The following TEX11 variants were observed in gnomAD, a reference collection of about 807,000 sequenced individuals.
TEX11 encodes the protein testis expressed 11.
Under a neutral mutation model 84.4 loss-of-function variants are expected in TEX11, and 7 were observed. That is an observed-to-expected ratio of 0.08 (90% CI 0.05 to 0.16). The LOEUF is 0.16. Among genes scored for constraint, TEX11 ranks in the 10% least tolerant of loss-of-function variants. The pLI, the probability that TEX11 is intolerant of heterozygous loss-of-function variation, is 1.00. For synonymous variants in TEX11, 264 were observed against 222.8 expected (o/e 1.18, Z -1.64); for missense variants, 551 against 660.5 (o/e 0.83, Z 1.82).
At chrX:70,890,922 C>T (rs1324126840) in intron 2 of TEX11, among the ~76,000 whole-genome samples, 4 of 112,413 alleles carry the variant, frequency 3.6e-5, no homozygotes, top group African/African-American at 1.3e-4. Flanking sequence ...CCCTGACCCC[C>T]GTGTAGCCTA....
At chrX:70,839,162 G>A (rs778707916) in intron 7 of TEX11, among the ~76,000 whole-genome samples, 2 of 112,113 alleles carry the variant, frequency 1.8e-5, no homozygotes, top group Admixed American at 9.5e-5. Flanking sequence ...CCAGCACGCA[G>A]CTTGAGATCT....
chrX:70,796,885 A>G (rs1258356535), intron 9 of TEX11, among the ~76,000 whole-genome samples: 1 of 112,376 alleles, frequency 8.9e-6, no homozygotes, highest in Non-Finnish European at 1.9e-5. Flanking sequence ...TAGTCATCAG[A>G]GAAATGCAAA....
At chrX:70,859,600 A>AAG (rs112266247) in intron 5 of TEX11, among the ~76,000 whole-genome samples, 11,538 of 95,309 alleles carry the variant, frequency 0.12, 772 homozygotes, top group Middle Eastern at 0.2. Flanking sequence ...AAAAAAAAAA[A>AAG]AGAGAGAACA....
At chrX:70,610,438 C>A (rs1312739710) in intron 21 of TEX11, 65 bp downstream of exon 21, 11 of 1,033,907 alleles carry the variant, frequency 1.1e-5, no homozygotes, top group Non-Finnish European at 1.5e-5. Context: ...GCTTAGTGTA[C>A]TTGGAGAATT....
intron 15 of TEX11, among the ~76,000 whole-genome samples, chrX:70,675,214 T>G (rs1241271453): frequency 1.8e-5 from 2 of 112,298 alleles, no homozygotes; most frequent in East Asian, 2.8e-4. Flanking sequence ...TATCAATTAC[T>G]CATATAATTA....
At chrX:70,660,555 G>A (rs192488472) in intron 16 of TEX11, among the ~76,000 whole-genome samples, 14 of 111,118 alleles carry the variant, frequency 1.3e-4, no homozygotes, top group East Asian at 2.8e-4. Flanking sequence ...ACACAGGCTC[G>A]GGATCATCAG....
intron 13 of TEX11, among the ~76,000 whole-genome samples, chrX:70,714,167 T>A (rs1231386520): frequency 2.7e-5 from 3 of 111,644 alleles, no homozygotes; most frequent in East Asian, 2.8e-4. Context: ...CAGTTTGTTA[T>A]AATTTCTGTT....
In TEX11 at chrX:70,897,047, G is replaced by T. The variant is rs188964127; in HGVS notation, c.37+10706C>A. On this transcript the variant is annotated intron_variant, in intron 2 of 29. Coordinates refer to ENST00000374333, the MANE Select transcript of TEX11 (RefSeq NM_031276.3). ...CTCAGGAGGCTGAGGCAAGAGGATC[G>T]CTTGAACCCAAGAAGCAGAGGTTGT... Among the ~76,000 whole-genome samples the T allele has an allele frequency of 2.3e-4, 23 of 101,650 alleles. No homozygotes were observed. In the Admixed American group the frequency reaches 2.6e-3, roughly 11 times the overall value. 88.3% of individuals were successfully genotyped at this position (101,650 alleles called of 115,157 possible). A position where few individuals can be genotyped will look rare whatever the true frequency, so the allele number is the denominator to read the frequency against.
intron 2 of TEX11, among the ~76,000 whole-genome samples, chrX:70,894,943 G>C (rs187881302): frequency 9.0e-6 from 1 of 111,677 alleles, no homozygotes; most frequent in African/African-American, 3.2e-5. Context: ...ATGGGTAAAA[G>C]CTGGAAGCAT....
intron 9 of TEX11, among the ~76,000 whole-genome samples, chrX:70,759,759 G>C (rs1270961645): frequency 9.0e-6 from 1 of 111,448 alleles, no homozygotes; most frequent in African/African-American, 3.3e-5. Flanking sequence ...GGAAGTTCTG[G>C]CCAGGACAAT....
intron 25 of TEX11, among the ~76,000 whole-genome samples, chrX:70,567,789 T>C (rs1275368329): frequency 8.9e-6 from 1 of 111,846 alleles, no homozygotes; most frequent in Non-Finnish European, 1.9e-5. Flanking sequence ...ATAATGTTTG[T>C]TCTTTTACAT....
intron 11 of TEX11, among the ~76,000 whole-genome samples, chrX:70,738,250 A>G (rs928905864): frequency 4.5e-5 from 5 of 112,109 alleles, no homozygotes; most frequent in African/African-American, 1.6e-4. Context: ...AAACAAATTT[A>G]TAAGAAAAAA....
chrX:70,734,082 C>G (rs748088909), intron 11 of TEX11, among the ~76,000 whole-genome samples: 3 of 110,507 alleles, frequency 2.7e-5, no homozygotes, highest in Non-Finnish European at 3.8e-5. Context: ...CATGTTCTCA[C>G]TCATAGGTGG....
At chrX:70,647,375 T>A (rs1169898299) in intron 17 of TEX11, among the ~76,000 whole-genome samples, 2 of 111,150 alleles carry the variant, frequency 1.8e-5, no homozygotes, top group Non-Finnish European at 3.8e-5. Flanking sequence ...TTCTTAAAAA[T>A]CACTGAGAGT....
intron 9 of TEX11, among the ~76,000 whole-genome samples, chrX:70,754,900 C>T (rs144705757): frequency 8.9e-6 from 1 of 112,327 alleles, no homozygotes; most frequent in African/African-American, 3.2e-5. Flanking sequence ...TATATGTCTA[C>T]AAGAACCAGA....
chrX:70,566,164 C>T (rs1270955857), intron 25 of TEX11, among the ~76,000 whole-genome samples: 1 of 104,048 alleles, frequency 9.6e-6, no homozygotes, highest in East Asian at 3.0e-4. Context: ...CTCTTTGAAG[C>T]AATTGTGAAT....
chrX:70,640,867 G>A (rs1389200731), intron 17 of TEX11, among the ~76,000 whole-genome samples: 3 of 108,088 alleles, frequency 2.8e-5, no homozygotes, highest in Non-Finnish European at 3.8e-5. Flanking sequence ...TCAACTAACG[G>A]GCAAAAGAAC....
chrX:70,838,100 T>G (rs1005343638), intron 7 of TEX11, among the ~76,000 whole-genome samples: 1 of 112,265 alleles, frequency 8.9e-6, no homozygotes, highest in African/African-American at 3.2e-5. Context: ...CTATGCTTAT[T>G]TCAAAATTTT....
intron 10 of TEX11, among the ~76,000 whole-genome samples, chrX:70,743,298 G>C (rs2090745825): frequency 8.9e-6 from 1 of 111,905 alleles, no homozygotes; most frequent in East Asian, 2.8e-4. Flanking sequence ...AGTTCCTTAA[G>C]GGCAGAAGCT....
Sources: allele counts gnomAD v4.1 joint callset (sites outside exome capture counted in the v4.1 genomes callset), GRCh38; gene constraint gnomAD v4.1.1; transcripts MANE v1.5; gene names NCBI Gene and HGNC (gene_info 2026-07-23, HGNC 2026-07-21).